Variants in CPPED1 observed in about 807,000 individuals in gnomAD.
The protein encoded by CPPED1 is serine/threonine-protein phosphatase CPPED1.
Under a neutral mutation model 28.0 loss-of-function variants are expected in CPPED1, and 28 were observed. The observed-to-expected ratio is 1.00, with a 90% confidence interval of 0.74 to 1.37. CPPED1 has a LOEUF of 1.37. Among genes scored for constraint, CPPED1 ranks in the 40% most tolerant of loss-of-function variants. The pLI is 0.00. For missense variants in CPPED1, 504 were observed against 416.5 expected (o/e 1.21, Z -1.83); for synonymous variants, 198 against 180.2 (o/e 1.10, Z -0.79).
At chr16:12,724,645 C>G (rs556751024) in intron 2 of CPPED1, among the ~76,000 whole-genome samples, 56 of 152,294 alleles carry the variant, frequency 3.7e-4, no homozygotes, top group African/African-American at 1.3e-3. Flanking sequence ...GAAAACCTTG[C>G]CCATTTCAAG....
At chr16:12,677,327 AT>A (rs1393108391) in intron 3 of CPPED1, among the ~76,000 whole-genome samples, 1 of 152,242 alleles carries the variant, frequency 6.6e-6, no homozygotes, top group East Asian at 1.9e-4. Context: ...ACTGGCTGAA[AT>A]GGAATGACTT....
chr16:12,779,403 T>C (rs3974951), intron 2 of CPPED1, among the ~76,000 whole-genome samples: 30,958 of 150,954 alleles, frequency 0.21, 3,841 homozygotes, highest in East Asian at 0.29. Context: ...TTTTTCTTTT[T>C]TGAGACTAAG....
intron 2 of CPPED1, among the ~76,000 whole-genome samples, chr16:12,726,234 G>A (rs1434400471): frequency 2.0e-5 from 3 of 151,628 alleles, no homozygotes; most frequent in Non-Finnish European, 4.4e-5. Flanking sequence ...TAGAGATGGG[G>A]TATCACTGTG....
At chr16:12,681,299 G>A (rs1282252441) in intron 3 of CPPED1, among the ~76,000 whole-genome samples, 2 of 152,058 alleles carry the variant, frequency 1.3e-5, no homozygotes, top group East Asian at 3.9e-4. Context: ...CAGAGAAGTG[G>A]CTTCCTGATT....
intron 3 of CPPED1, among the ~76,000 whole-genome samples, chr16:12,667,657 G>C (rs1024294219): frequency 4.6e-5 from 7 of 152,088 alleles, no homozygotes; most frequent in Non-Finnish European, 1.0e-4. Context: ...TGAACTGAGA[G>C]GTAAAACTGA....
rs2080219168 is a variant in CPPED1 at position 12,734,929 on chromosome 16, C to T, written c.290-29880G>A. 2.0e-5 allele frequency among the ~76,000 whole-genome samples: 3 copies of T among 152,150 alleles called. No individual in the cohort carries two copies. In the South Asian group the frequency reaches 6.2e-4, roughly 32 times the overall value. ...TCCTGTCTTACCTAGCACTCCCCAG[C>T]TCTCCCATGCCCATCACCAGACTGC... On this transcript the variant is annotated intron_variant, in intron 2 of 3. Transcript: ENST00000381774.
chr16:12,744,431 C>T (rs1183546014), intron 2 of CPPED1, among the ~76,000 whole-genome samples: 2 of 152,132 alleles, frequency 1.3e-5, no homozygotes, highest in Non-Finnish European at 2.9e-5. Context: ...GGAACACACA[C>T]TGGGTTTACC....
intron 2 of CPPED1, among the ~76,000 whole-genome samples, chr16:12,705,847 A>C (rs1269700266): frequency 6.6e-6 from 1 of 152,134 alleles, no homozygotes; most frequent in Non-Finnish European, 1.5e-5. Flanking sequence ...AGTTCCTCAT[A>C]TTTCTACTCA....
At chr16:12,724,928 A>G (rs2080162069) in intron 2 of CPPED1, among the ~76,000 whole-genome samples, 2 of 151,926 alleles carry the variant, frequency 1.3e-5, no homozygotes, top group Non-Finnish European at 2.9e-5. Flanking sequence ...CTGGGACTAC[A>G]GGCACCTGCC....
In CPPED1 at chr16:12,670,884, T is replaced by C. The variant is rs1469869017; in HGVS notation, c.716-5769A>G. Among the ~76,000 whole-genome samples, 1 of 152,232 alleles carries C rather than the reference T, an allele frequency of 6.6e-6. No individual in the cohort carries two copies. The highest frequency in any genetic ancestry group is 1.9e-4 in the East Asian group (1 of 5,200). On this transcript the variant is annotated intron_variant, in intron 3 of 3. Coordinates refer to ENST00000381774, the MANE Select transcript of CPPED1 (RefSeq NM_018340.3). The surrounding 1 kb of genome is among the most constrained non-coding windows in gnomAD (Gnocchi z 4.2). ...TATATTTTTTGAGGTGGAGTCTCAC[T>C]GTGACGCCCATGCTGAAGTACAGTG...
chr16:12,736,329 T>C (rs1046851013), intron 2 of CPPED1, among the ~76,000 whole-genome samples: 1 of 150,738 alleles, frequency 6.6e-6, no homozygotes, highest in South Asian at 2.1e-4. Flanking sequence ...CACTGCAACC[T>C]CCACCTCCCA....
intron 2 of CPPED1, among the ~76,000 whole-genome samples, chr16:12,737,819 A>C (rs2080234507): frequency 6.6e-6 from 1 of 152,172 alleles, no homozygotes; most frequent in Admixed American, 6.5e-5. Flanking sequence ...GCTGGAGGGA[A>C]CATTTGAGCA....
intron 3 of CPPED1, among the ~76,000 whole-genome samples, chr16:12,696,718 C>T (rs535197662): frequency 6.6e-6 from 1 of 152,048 alleles, no homozygotes; most frequent in Non-Finnish European, 1.5e-5. Flanking sequence ...GCTGGGATTA[C>T]AGGTGTGAGC....
Position 12,765,798 on chromosome 16 carries a change from A to G in CPPED1, c.289+15387T>C, listed in dbSNP as rs146152392. ...TTTCTAAATTCTGGGTTCGCGAAATATATGTCCTCACCCGTTCTGGCATTC... is the reference window on the plus strand; with the variant it reads ...TTTCTAAATTCTGGGTTCGCGAAATGTATGTCCTCACCCGTTCTGGCATTC... On this transcript the variant is annotated intron_variant, in intron 2 of 3. Transcript: ENST00000381774. Among the ~76,000 whole-genome samples the G allele has an allele frequency of 4.1e-3, 624 of 152,338 alleles. 6 individuals carry two copies. Among genetic ancestry groups the G allele is most frequent in the Middle Eastern group, 0.02 (6 of 294 alleles).
chr16:12,766,637 C>T (rs35101906), intron 2 of CPPED1, among the ~76,000 whole-genome samples: 34,476 of 151,896 alleles, frequency 0.23, 4,299 homozygotes, highest in East Asian at 0.3. Context: ...GGTGTGGTGG[C>T]GGGCACCTGT....
chr16:12,784,422 A>T (rs140961758), intron 1 of CPPED1, among the ~76,000 whole-genome samples: 1 of 152,182 alleles, frequency 6.6e-6, no homozygotes. Flanking sequence ...GACATGATAC[A>T]TATTTGCTTT....
chr16:12,673,001 G>A (rs1171929865), intron 3 of CPPED1, among the ~76,000 whole-genome samples: 1 of 151,782 alleles, frequency 6.6e-6, no homozygotes, highest in Non-Finnish European at 1.5e-5. Context: ...GTGAGAGCAA[G>A]ACCCTGTCTC....
intron 1 of CPPED1, among the ~76,000 whole-genome samples, chr16:12,787,550 G>GCT (rs1178582635): frequency 6.6e-5 from 10 of 151,778 alleles, no homozygotes; most frequent in Non-Finnish European, 1.2e-4. Flanking sequence ...GATTATACAG[G>GCT]CATGTGCCAC....
At chr16:12,743,350 T>C (rs1238639091) in intron 2 of CPPED1, among the ~76,000 whole-genome samples, 3 of 152,058 alleles carry the variant, frequency 2.0e-5, no homozygotes. Context: ...CCCAAATAAA[T>C]TAAATATAAA....
Sources: allele counts gnomAD v4.1 joint callset (sites outside exome capture counted in the v4.1 genomes callset), GRCh38; gene constraint gnomAD v4.1.1; non-coding constraint Gnocchi (gnomAD v3.1); transcripts MANE v1.5; gene names NCBI Gene and HGNC (gene_info 2026-07-23, HGNC 2026-07-21).